Variants in DAB1 observed in about 807,000 individuals in gnomAD.
The protein encoded by DAB1 is DAB adaptor protein 1.
In DAB1, 15 loss-of-function variants were observed where a neutral mutation model predicts 64.6. That is an observed-to-expected ratio of 0.23 (90% CI 0.16 to 0.36). The LOEUF is 0.36. Ranked by LOEUF, DAB1 falls within the 10% of genes least tolerant of loss-of-function variation. The pLI, the probability that DAB1 is intolerant of heterozygous loss-of-function variation, is 1.00. For synonymous variants in DAB1, 235 were observed against 251.9 expected (o/e 0.93, Z 0.64); for missense variants, 596 against 706.7 (o/e 0.84, Z 1.78).
At chr1:58,334,692 ACCT>A (rs1663064246) in intron 4 of DAB1, among the ~76,000 whole-genome samples, 1 of 148,990 alleles carries the variant, frequency 6.7e-6, no homozygotes, top group African/African-American at 2.5e-5. Context: ...GACTTTGATA[ACCT>A]CCTGTGGCTT....
At chr1:58,539,156 C>G in intron 1 of DAB1, 2 of 872,942 alleles carry the variant, frequency 2.3e-6, no homozygotes, top group South Asian at 2.6e-5. Context: ...TACTTATTTA[C>G]TATATGGTTA....
intron 3 of DAB1, among the ~76,000 whole-genome samples, chr1:58,504,768 C>A (rs1256913852): frequency 1.3e-5 from 2 of 152,098 alleles, no homozygotes; most frequent in African/African-American, 4.8e-5. Context: ...AAACTGCATA[C>A]CGTTTTTATT....
chr1:57,144,276 A>AT (rs1241278986), intron 3 of DAB1, among the ~76,000 whole-genome samples: 1 of 152,048 alleles, frequency 6.6e-6, no homozygotes. Flanking sequence ...TAAACCATTT[A>AT]TTTTTTCAAT....
intron 1 of DAB1, among the ~76,000 whole-genome samples, chr1:57,293,971 T>A (rs1191581972): frequency 6.6e-6 from 1 of 152,166 alleles, no homozygotes; most frequent in Non-Finnish European, 1.5e-5. Flanking sequence ...GAAACCACCA[T>A]CATTCTGAAT....
intron 7 of DAB1, among the ~76,000 whole-genome samples, chr1:57,543,029 GAGGCATA>G (rs1462996504): frequency 3.3e-5 from 5 of 152,092 alleles, no homozygotes; most frequent in Non-Finnish European, 4.4e-5. Context: ...AGTGAGCTTG[GAGGCATA>G]TCCTTTAGCC....
chr1:57,823,489 C>T (rs1039815173), downstream of DAB1, among the ~76,000 whole-genome samples: 1 of 151,988 alleles, frequency 6.6e-6, no homozygotes, highest in Non-Finnish European at 1.5e-5. Context: ...GAAGACGAAG[C>T]AGGTTATGCA....
At chr1:57,350,956 C>A (rs926381059) in intron 1 of DAB1, among the ~76,000 whole-genome samples, 1 of 152,092 alleles carries the variant, frequency 6.6e-6, no homozygotes, top group African/African-American at 2.4e-5. Context: ...GGCCCCTGAC[C>A]TCAAAGGGTT....
intron 6 of DAB1, among the ~76,000 whole-genome samples, chr1:57,680,557 A>G (rs966349010): frequency 6.6e-6 from 1 of 152,148 alleles, no homozygotes; most frequent in Non-Finnish European, 1.5e-5. Context: ...GGCTTCTCAT[A>G]TCACATCACT....
At chr1:58,082,692 G>A (rs1049402789) in intron 5 of DAB1, among the ~76,000 whole-genome samples, 3 of 152,102 alleles carry the variant, frequency 2.0e-5, no homozygotes, top group Non-Finnish European at 2.9e-5. Flanking sequence ...AAAAAGAGGA[G>A]AAGGGCATTT....
intron 4 of DAB1, among the ~76,000 whole-genome samples, chr1:57,107,366 C>T (rs1041260753): frequency 1.6e-5 from 2 of 122,438 alleles, no homozygotes; most frequent in African/African-American, 3.2e-5. Flanking sequence ...CAGACTGAGA[C>T]TCTGTTTCAT....
At chr1:57,345,544 C>T (rs1678008010) in intron 1 of DAB1, among the ~76,000 whole-genome samples, 1 of 151,766 alleles carries the variant, frequency 6.6e-6, no homozygotes, top group South Asian at 2.1e-4. Context: ...CCTTCCTACA[C>T]CTAAATCATA....
intron 9 of DAB1, among the ~76,000 whole-genome samples, chr1:57,060,125 TTTTTATTTTATTTTA>T (rs71051217): frequency 5.2e-4 from 71 of 135,972 alleles, no homozygotes; most frequent in African/African-American, 1.5e-3. Flanking sequence ...ATTCATATAT[TTTTTATTTTATTTTA>T]TTTTATTTTA....
At chr1:57,622,679 G>A (rs1645874785) in intron 7 of DAB1, among the ~76,000 whole-genome samples, 1 of 152,176 alleles carries the variant, frequency 6.6e-6, no homozygotes, top group Non-Finnish European at 1.5e-5. Flanking sequence ...ACTTGAGCTA[G>A]GGCTAGCTTA....
intron 4 of DAB1, among the ~76,000 whole-genome samples, chr1:57,096,021 T>G (rs1384611512): frequency 6.6e-6 from 1 of 152,224 alleles, no homozygotes; most frequent in Non-Finnish European, 1.5e-5. Context: ...TGACTAAATG[T>G]TTTCTTCTTG....
At chr1:57,985,681 C>G (rs1215872426) in intron 5 of DAB1, among the ~76,000 whole-genome samples, 1 of 151,792 alleles carries the variant, frequency 6.6e-6, no homozygotes, top group Non-Finnish European at 1.5e-5. Context: ...ATTAGCCACA[C>G]TGGAGTCTTG....
intron 7 of DAB1, among the ~76,000 whole-genome samples, chr1:57,578,241 C>T (rs1645273247): frequency 6.6e-6 from 1 of 152,180 alleles, no homozygotes; most frequent in Non-Finnish European, 1.5e-5. Context: ...TTCTATCAAA[C>T]CAAGGAGCTT....
intron 4 of DAB1, among the ~76,000 whole-genome samples, chr1:58,234,846 T>G (rs1659945198): frequency 1.3e-5 from 2 of 152,196 alleles, no homozygotes; most frequent in South Asian, 4.1e-4. Context: ...ACAACCTTTA[T>G]GTAGCCTCAT....
intron 7 of DAB1, among the ~76,000 whole-genome samples, chr1:57,545,439 C>A (rs1644845809): frequency 6.6e-6 from 1 of 152,154 alleles, no homozygotes; most frequent in Non-Finnish European, 1.5e-5. Context: ...TCGCAGTTTT[C>A]CTAGGGCTTT....
chr1:57,254,675 T>C (rs1669622929), intron 2 of DAB1, among the ~76,000 whole-genome samples: 1 of 152,204 alleles, frequency 6.6e-6, no homozygotes, highest in Non-Finnish European at 1.5e-5. Flanking sequence ...AGTAACTGTC[T>C]AGGTTATTTC....
Sources: gnomAD v4.1 joint callset for allele counts (sites outside exome capture counted in the v4.1 genomes callset) on GRCh38, gnomAD v4.1.1 for gene constraint, MANE v1.5 for transcripts, NCBI Gene and HGNC (gene_info 2026-07-23, HGNC 2026-07-21) for gene names.